Variants in TMPRSS6 observed in about 807,000 individuals in gnomAD.
The protein encoded by TMPRSS6 is transmembrane serine protease 6.
TMPRSS6 carries 67 observed loss-of-function variants against 101.5 expected under a neutral mutation model. That is an observed-to-expected ratio of 0.66 (90% CI 0.54 to 0.81). The LOEUF (loss-of-function observed/expected upper bound fraction) is 0.81. TMPRSS6 is among the 30% of genes least tolerant of loss of function. The pLI is 0.00. For missense variants in TMPRSS6, 1,034 were observed against 1,088.7 expected, an observed-to-expected ratio of 0.95 and a Z score of 0.71; for synonymous variants, 453 against 464.9, an observed-to-expected ratio of 0.97 and a Z score of 0.33.
Position 37,107,514 on chromosome 22 carries a change from C to T in TMPRSS6, c.-2+1989G>A, listed in dbSNP as rs568873989. On this transcript the variant is annotated intron_variant, in intron 1 of 17. Coordinates refer to ENST00000676104, the MANE Select transcript of TMPRSS6 (RefSeq NM_001374504.1). ...GGCCCCCCATGACTCCCACCATCAT[C>T]CAGGCCACCGTCATCTGTCACCTCG... 1.0e-4 allele frequency among the ~76,000 whole-genome samples: 15 copies of T among 150,084 alleles called. No individual in the cohort carries two copies. In the East Asian group the frequency reaches 3.0e-3, roughly 30 times the overall value.
At chr22:37,081,839 C>T (rs1003424442) in intron 10 of TMPRSS6, among the ~76,000 whole-genome samples, 1 of 152,264 alleles carries the variant, frequency 6.6e-6, no homozygotes, top group African/African-American at 2.4e-5. Flanking sequence ...AGGACCAGTT[C>T]AGCCCACACA....
At chr22:37,105,010 C>T (rs1325761177) in intron 1 of TMPRSS6, among the ~76,000 whole-genome samples, 1 of 151,942 alleles carries the variant, frequency 6.6e-6, no homozygotes, top group Admixed American at 6.6e-5. Context: ...CAGATGCAGG[C>T]GGGGCTTCCT....
intron 2 of TMPRSS6, among the ~76,000 whole-genome samples, chr22:37,102,876 C>CT (rs1244094334): frequency 1.3e-5 from 2 of 152,120 alleles, no homozygotes; most frequent in African/African-American, 4.8e-5. Context: ...CCCAGGAGGA[C>CT]TGCAGGCAAG....
At chr22:37,104,306 A>C (rs1930573763) in intron 1 of TMPRSS6, among the ~76,000 whole-genome samples, 1 of 152,164 alleles carries the variant, frequency 6.6e-6, no homozygotes. Context: ...AGATTAAAAA[A>C]ACCCTGAAGC....
chr22:37,100,092 C>G (rs757840268), intron 2 of TMPRSS6, among the ~76,000 whole-genome samples: 6 of 152,204 alleles, frequency 3.9e-5, no homozygotes, highest in Non-Finnish European at 1.5e-5. Flanking sequence ...CTCAGCCTCG[C>G]AAGTAGCTGG....
chr22:37,074,204 C>T (rs1337002535), intron 12 of TMPRSS6, among the ~76,000 whole-genome samples: 1 of 152,226 alleles, frequency 6.6e-6, no homozygotes, highest in Non-Finnish European at 1.5e-5. Flanking sequence ...GTACCTCCCC[C>T]AGCACCGTGG....
At chr22:37,088,734 G>A (rs994898408) in intron 7 of TMPRSS6, among the ~76,000 whole-genome samples, 6 of 152,086 alleles carry the variant, frequency 3.9e-5, no homozygotes, top group Non-Finnish European at 8.8e-5. Context: ...AAGTCCAAAT[G>A]GCTCCTGGCA....
chr22:37,079,517 C>T (rs1476837277), intron 10 of TMPRSS6, among the ~76,000 whole-genome samples: 1 of 152,144 alleles, frequency 6.6e-6, no homozygotes. Flanking sequence ...GTGCCCTTAC[C>T]TACAGACAGA....
intron 6 of TMPRSS6, 24 bp from the exon 7 acceptor site, chr22:37,089,806 C>T (rs1414909540): frequency 6.2e-7 from 1 of 1,603,152 alleles, no homozygotes. Flanking sequence ...AGGGGCACAG[C>T]CCCTGATTCC....
At chr22:37,075,012 C>A in intron 11 of TMPRSS6, 123 bp downstream of exon 11, 1 of 1,522,734 alleles carries the variant, frequency 6.6e-7, no homozygotes, top group Non-Finnish European at 9.1e-7. Context: ...CACACACACA[C>A]ACACTCTCTC....
At chr22:37,092,238 C>T (rs1466537281) in intron 6 of TMPRSS6, among the ~76,000 whole-genome samples, 2 of 152,072 alleles carry the variant, frequency 1.3e-5, no homozygotes, top group Non-Finnish European at 2.9e-5. Context: ...CAGCCTTTGC[C>T]CCTGCCATTC....
chr22:37,097,565 C>T (rs1929871748), intron 3 of TMPRSS6, among the ~76,000 whole-genome samples: 1 of 152,272 alleles, frequency 6.6e-6, no homozygotes, highest in African/African-American at 2.4e-5. Flanking sequence ...TTCTGGCCTG[C>T]CTTGCTGGGC....
intron 7 of TMPRSS6, among the ~76,000 whole-genome samples, chr22:37,087,597 C>G (rs1176881911): frequency 6.6e-6 from 1 of 152,084 alleles, no homozygotes; most frequent in Non-Finnish European, 1.5e-5. Context: ...CCCCTCACCC[C>G]CCAGGCCCTC....
Position 37,069,140 on chromosome 22 carries a change from C to G in TMPRSS6, c.2046G>C (p.Ala682=). 1 of 1,570,604 alleles carries G rather than the reference C, an allele frequency of 6.4e-7. No homozygotes were observed. The highest frequency in any genetic ancestry group is 8.6e-7 in the Non-Finnish European group (1 of 1,159,746). ...SAAVRPVCLP[A]RSHFFEPGLH... ...GGCCGGGCTCGAAGAAGTGGGAGCG[C>G]GCGGGCAGGCAGACGGGGCGCACGG... Residue 682 remains alanine (A), a synonymous_variant, in exon 16 of 18, where the codon GCG becomes GCC. Transcript: ENST00000676104. This position sits in a 1 kb window ranked among gnomAD's most constrained non-coding sequence, Gnocchi z 4.8.
intron 6 of TMPRSS6, 71 bp downstream of exon 6, chr22:37,095,479 CT>C (rs997517176): frequency 4.3e-5 from 68 of 1,574,112 alleles, no homozygotes; most frequent in Admixed American, 3.4e-4. Flanking sequence ...ATGTGTCCCC[CT>C]GATACACAAC....
chr22:37,073,124 A>G lies in TMPRSS6; in HGVS notation c.1555+408T>C, dbSNP rs552827460. On this transcript the variant is annotated intron_variant, in intron 13 of 17. Transcript: ENST00000676104. Reference sequence around the variant, plus strand: ...TGGATGGATGATGGACGGATGGATGATGGATGGGTGGATGGGTGGGTGGGT... The same window carrying G: ...TGGATGGATGATGGACGGATGGATGGTGGATGGGTGGATGGGTGGGTGGGT... 2.7e-3 allele frequency among the ~76,000 whole-genome samples: 275 copies of G among 103,460 alleles called. 3 individuals are homozygous for G. Among genetic ancestry groups the G allele is most frequent in the African/African-American group, 0.011 (269 of 23,640 alleles). 67.9% of individuals were successfully genotyped at this position (103,460 alleles called of 152,430 possible).
chr22:37,092,682 G>T (rs980402300), intron 6 of TMPRSS6, among the ~76,000 whole-genome samples: 4 of 152,240 alleles, frequency 2.6e-5, no homozygotes, highest in African/African-American at 9.6e-5. Context: ...TTTCAGTAGA[G>T]ATGGGGTTTT....
At position 37,068,503 on chromosome 22, in the gene TMPRSS6, G is replaced by A. The variant is rs1281518635; in HGVS notation, c.2113+570C>T. 2.1e-5 allele frequency: 15 copies of A among 721,258 alleles called. No homozygotes were observed. In the East Asian group the frequency reaches 3.7e-4, roughly 18 times the overall value. The allele number at this position is 721,258 out of a possible 1,614,324, so 44.7% of individuals were successfully genotyped here. A position where few individuals can be genotyped will look rare whatever the true frequency, so the allele number is the denominator to read the frequency against. On this transcript the variant is annotated intron_variant, in intron 16 of 17. Transcript: ENST00000676104. ...CCAGGGACTCTGGTCAGTGAACGTAGAAAGGGGAGAGACCCTGTTTCTGAG... is the reference window on the plus strand; with the variant it reads ...CCAGGGACTCTGGTCAGTGAACGTAAAAAGGGGAGAGACCCTGTTTCTGAG...
intron 10 of TMPRSS6, among the ~76,000 whole-genome samples, chr22:37,076,244 C>G (rs1289369194): frequency 6.6e-6 from 1 of 151,760 alleles, no homozygotes; most frequent in Non-Finnish European, 1.5e-5. Context: ...AGCAGTGCTC[C>G]CCATTTAGGC....
Sources: allele counts gnomAD v4.1 joint callset (sites outside exome capture counted in the v4.1 genomes callset), GRCh38; gene constraint gnomAD v4.1.1; non-coding constraint Gnocchi (gnomAD v3.1); transcripts MANE v1.5; gene names NCBI Gene and HGNC (gene_info 2026-07-23, HGNC 2026-07-21).